XG: variants seen among roughly 807,000 people sequenced by gnomAD.
The protein encoded by XG is glycoprotein Xg.
In XG, 24 loss-of-function variants were observed where a neutral mutation model predicts 25.7. That is an observed-to-expected ratio of 0.93 (90% CI 0.68 to 1.31). The LOEUF (loss-of-function observed/expected upper bound fraction) is 1.31, where lower values mean the gene tolerates loss of function less well. Ranked by LOEUF, XG falls within the 40% of genes most tolerant of loss-of-function variation. The pLI is 0.00. For synonymous variants in XG, 77 were observed against 69.2 expected, an observed-to-expected ratio of 1.11 and a Z score of -0.56; for missense variants, 181 against 187.6, an observed-to-expected ratio of 0.96 and a Z score of 0.21.
intron 3 of XG, 60 bp downstream of exon 3, chrX:2,774,799 G>A: frequency 1.2e-6 from 2 of 1,601,562 alleles, no homozygotes; most frequent in Non-Finnish European, 1.7e-6. Context: ...TGCTTACGGA[G>A]GGGATGGTTG....
intron 1 of XG, among the ~76,000 whole-genome samples, chrX:2,763,495 A>C: frequency 8.1e-6 from 1 of 123,312 alleles, no homozygotes; most frequent in Non-Finnish European, 1.7e-5. Flanking sequence ...GGGGGGTGGA[A>C]GGGGGGTGAG....
chrX:2,791,592 G>A (rs901986292), intron 5 of XG, among the ~76,000 whole-genome samples: 3 of 109,238 alleles, frequency 2.7e-5, no homozygotes, highest in Non-Finnish European at 5.7e-5. Context: ...CTGCATTCCC[G>A]TACTCCATAC....
intron 8 of XG, among the ~76,000 whole-genome samples, chrX:2,806,995 CGT>C (rs771808522): frequency 1.8e-5 from 2 of 111,553 alleles, no homozygotes; most frequent in South Asian, 3.7e-4. Context: ...TGTGTGTGCA[CGT>C]GTGTGTGTAT....
At chrX:2,766,709 C>G (rs764232542) in intron 1 of XG, among the ~76,000 whole-genome samples, 2 of 150,990 alleles carry the variant, frequency 1.3e-5, no homozygotes, top group Non-Finnish European at 3.0e-5. Context: ...GGACTACAGG[C>G]GCCCGCCACC....
intron 1 of XG, among the ~76,000 whole-genome samples, chrX:2,767,597 C>T (rs895866203): frequency 1.3e-5 from 2 of 152,154 alleles, no homozygotes; most frequent in Non-Finnish European, 2.9e-5. Flanking sequence ...TGCAACCCGA[C>T]CTTGGAGACA....
chrX:2,782,279 C>A, intron 4 of XG, 151 bp downstream of exon 4: 1 of 618,508 alleles, frequency 1.6e-6, no homozygotes, highest in Non-Finnish European at 2.6e-6. Flanking sequence ...CTGGGGGGAG[C>A]AAGAAAGTCC....
chrX:2,787,638 G>A (rs1158717782), intron 4 of XG, among the ~76,000 whole-genome samples: 1 of 111,382 alleles, frequency 9.0e-6, no homozygotes, highest in African/African-American at 3.3e-5. Context: ...TGGGCGTGGT[G>A]GCTCATGCCT....
At chrX:2,806,789 C>T in intron 8 of XG, 44 bp downstream of exon 8, 1 of 1,037,783 alleles carries the variant, frequency 9.6e-7, no homozygotes, top group Non-Finnish European at 1.3e-6. Context: ...CAAAACTGTC[C>T]ATTTGCAAAT....
chrX:2,784,578 A>G (rs2086766466), intron 4 of XG, among the ~76,000 whole-genome samples: 1 of 110,701 alleles, frequency 9.0e-6, no homozygotes, highest in African/African-American at 3.3e-5. Flanking sequence ...TCAAAAAAAA[A>G]AAAAAAAAGA....
At chrX:2,805,989 A>T (rs974677266) in intron 7 of XG, among the ~76,000 whole-genome samples, 7 of 112,292 alleles carry the variant, frequency 6.2e-5, no homozygotes, top group Non-Finnish European at 1.3e-4. Context: ...CTGTATTTTT[A>T]AAAATTGCTC....
chrX:2,765,706 AGGTTTTGCTGT>A (rs2050668765), intron 1 of XG, among the ~76,000 whole-genome samples: 2 of 152,098 alleles, frequency 1.3e-5, no homozygotes, highest in Admixed American at 6.6e-5. Flanking sequence ...TGGGGAGCAG[AGGTTTTGCTGT>A]GGGTCCATTG....
intron 5 of XG, among the ~76,000 whole-genome samples, chrX:2,791,265 A>G (rs1036522162): frequency 7.2e-5 from 8 of 111,267 alleles, no homozygotes; most frequent in African/African-American, 2.3e-4. Context: ...ATGTGTGCAG[A>G]TTGAGGAAGC....
intron 4 of XG, among the ~76,000 whole-genome samples, chrX:2,784,869 A>G (rs1384992401): frequency 1.8e-5 from 2 of 112,548 alleles, no homozygotes; most frequent in Admixed American, 9.4e-5. Flanking sequence ...CTGAATTATT[A>G]ATCAATACTG....
At chrX:2,776,248 A>T (rs1180423012) in intron 3 of XG, among the ~76,000 whole-genome samples, 1 of 152,134 alleles carries the variant, frequency 6.6e-6, no homozygotes, top group Non-Finnish European at 1.5e-5. Flanking sequence ...ATCTTGGTTT[A>T]GGAAGGGGAG....
intron 3 of XG, among the ~76,000 whole-genome samples, chrX:2,779,184 G>A (rs930823164): frequency 4.0e-5 from 6 of 151,364 alleles, no homozygotes; most frequent in Non-Finnish European, 4.4e-5. Flanking sequence ...GTTTTTCTTA[G>A]ATACAATACA....
At chrX:2,777,422 A>T (rs2051023435) in intron 3 of XG, among the ~76,000 whole-genome samples, 4 of 152,116 alleles carry the variant, frequency 2.6e-5, no homozygotes, top group Non-Finnish European at 5.9e-5. Context: ...AAAAAAATGA[A>T]GAGTAAAATT....
At chrX:2,780,764 G>GCA (rs2051103185) in intron 3 of XG, among the ~76,000 whole-genome samples, 2 of 152,088 alleles carry the variant, frequency 1.3e-5, no homozygotes, top group South Asian at 4.2e-4. Context: ...GAAAGGTGGA[G>GCA]CACTTGAAGC....
intron 4 of XG, among the ~76,000 whole-genome samples, chrX:2,785,744 C>T (rs1039985791): frequency 9.9e-5 from 11 of 111,340 alleles, no homozygotes; most frequent in Non-Finnish European, 2.1e-4. Flanking sequence ...CAGGCTAGCC[C>T]AAATGAGCCC....
intron 7 of XG, 22 bp downstream of exon 7, chrX:2,797,382 C>T: frequency 3.1e-6 from 3 of 956,981 alleles, no homozygotes; most frequent in South Asian, 1.9e-5. Context: ...TCTGGGCATG[C>T]GATGGTGGGT....
Sources: allele counts gnomAD v4.1 joint callset (sites outside exome capture counted in the v4.1 genomes callset), GRCh38; gene constraint gnomAD v4.1.1; transcripts MANE v1.5; gene names NCBI Gene and HGNC (gene_info 2026-07-23, HGNC 2026-07-21).